Variants in CSMD1 observed in about 807,000 individuals in gnomAD.
CSMD1 encodes CUB and sushi domain-containing protein 1.
In CSMD1, 213 loss-of-function variants were observed where a neutral mutation model predicts 417.5. The ratio of observed to expected loss-of-function variants is 0.51; its 90% CI spans 0.46 to 0.57. The LOEUF (loss-of-function observed/expected upper bound fraction) is 0.57, where lower values mean the gene tolerates loss of function less well. Among genes scored for constraint, CSMD1 ranks in the 20% least tolerant of loss-of-function variants. The pLI, the probability that CSMD1 is intolerant of heterozygous loss-of-function variation, is 0.00. For missense variants in CSMD1, 6,923 were observed against 4,529.7 expected (o/e 1.53, Z -15.17); for synonymous variants, 2,862 against 1,736.8 (o/e 1.65, Z -16.11).
chr8:3,439,588 C>A (rs1008105866), intron 12 of CSMD1, among the ~76,000 whole-genome samples: 1 of 150,832 alleles, frequency 6.6e-6, no homozygotes, highest in Admixed American at 6.6e-5. Flanking sequence ...ATGTTATCTT[C>A]CAGTCTACAG....
Position 2,950,281 on chromosome 8 carries a change from C to G in CSMD1, c.10264G>C (p.Asp3422His), listed in dbSNP as rs1019368743. Residue 3422 changes from aspartate to histidine, a missense_variant, in exon 67 of 70, where the codon GAT (aspartate) becomes CAT (histidine). By Grantham distance (81) the Asp-to-His change is moderately conservative. Coordinates refer to ENST00000635120, the MANE Select transcript of CSMD1 (RefSeq NM_033225.6). ...LKAFQIKGQADIFVSKFENDN... is the reference protein window; with the variant it reads ...LKAFQIKGQAHIFVSKFENDN... The stretch of plus-strand genomic sequence containing the variant: ...TTTTCGAACTTGCTTACAAAAATAT[C>G]TGCCTGGCCTTTAATTTGAAAAGCT... 6.2e-7 allele frequency: 1 copy of G among 1,613,358 alleles called. No individual in the cohort carries two copies. Among genetic ancestry groups the G allele is most frequent in the African/African-American group, 1.3e-5 (1 of 74,906 alleles).
chr8:4,318,395 G>A (rs138244106), intron 3 of CSMD1, among the ~76,000 whole-genome samples: 11 of 151,936 alleles, frequency 7.2e-5, no homozygotes, highest in East Asian at 1.9e-4. Flanking sequence ...CTCTATTTGC[G>A]CATTTTAGTT....
intron 1 of CSMD1, among the ~76,000 whole-genome samples, chr8:4,700,839 G>C (rs991555173): frequency 6.6e-6 from 1 of 152,116 alleles, no homozygotes; most frequent in African/African-American, 2.4e-5. Context: ...GTAACAGCAA[G>C]AATAGGAAGA....
intron 7 of CSMD1, among the ~76,000 whole-genome samples, chr8:3,630,614 C>T (rs1439483333): frequency 6.6e-6 from 1 of 152,118 alleles, no homozygotes; most frequent in Non-Finnish European, 1.5e-5. Context: ...AAGTGTTGGG[C>T]TGGCATGCTG....
At chr8:4,213,030 G>A (rs187771627) in intron 3 of CSMD1, among the ~76,000 whole-genome samples, 2 of 152,018 alleles carry the variant, frequency 1.3e-5, no homozygotes, top group African/African-American at 2.4e-5. Flanking sequence ...TTAAAACTGA[G>A]TTACTAATTT....
Position 4,145,072 on chromosome 8 carries a change from G to C in CSMD1, c.416-112973C>G, listed in dbSNP as rs561524488. ...TTTTTAAATGTTTCTAAAATACAAAGATTTAAGGATGTTAAAAATGTAACT... is the reference window on the plus strand; with the variant it reads ...TTTTTAAATGTTTCTAAAATACAAACATTTAAGGATGTTAAAAATGTAACT... On this transcript the variant is annotated intron_variant, in intron 3 of 69. Transcript: ENST00000635120. Among the ~76,000 whole-genome samples, 68 of 151,114 alleles carry C rather than the reference G, an allele frequency of 4.5e-4. 7 individuals are homozygous for C. The highest frequency in any genetic ancestry group is 1.6e-3 in the African/African-American group (65 of 40,516).
chr8:4,784,374 T>G (rs1797299440), intron 1 of CSMD1, among the ~76,000 whole-genome samples: 1 of 152,216 alleles, frequency 6.6e-6, no homozygotes, highest in African/African-American at 2.4e-5. Context: ...TAATGAACTG[T>G]GCTACCTTGT....
intron 3 of CSMD1, among the ~76,000 whole-genome samples, chr8:4,162,563 T>A (rs185147770): frequency 6.6e-6 from 1 of 152,190 alleles, no homozygotes; most frequent in Non-Finnish European, 1.5e-5. Flanking sequence ...CCTAAGTTAC[T>A]TTGATTTTTT....
At chr8:3,972,091 G>C (rs184689858) in intron 5 of CSMD1, among the ~76,000 whole-genome samples, 1 of 152,148 alleles carries the variant, frequency 6.6e-6, no homozygotes, top group East Asian at 1.9e-4. Context: ...GGCTGATCCT[G>C]ACTTCCTGGG....
intron 5 of CSMD1, among the ~76,000 whole-genome samples, chr8:3,793,528 A>T (rs1413712511): frequency 2.1e-5 from 3 of 141,618 alleles, no homozygotes; most frequent in Non-Finnish European, 4.6e-5. Context: ...TCTGGATTCG[A>T]TCTCTGGGCT....
chr8:3,595,417 A>G (rs2117047555), intron 8 of CSMD1, among the ~76,000 whole-genome samples: 2 of 152,278 alleles, frequency 1.3e-5, no homozygotes, highest in South Asian at 4.2e-4. Context: ...CATAGCGGCA[A>G]TTTTTAGACT....
chr8:3,792,364 G>A (rs576949894), intron 5 of CSMD1, among the ~76,000 whole-genome samples: 2 of 152,142 alleles, frequency 1.3e-5, no homozygotes, highest in Non-Finnish European at 2.9e-5. Context: ...TGTACATTAT[G>A]ATCATTAATG....
At chr8:3,141,428 C>T (rs1284694119) in intron 41 of CSMD1, among the ~76,000 whole-genome samples, 1 of 152,074 alleles carries the variant, frequency 6.6e-6, no homozygotes, top group Non-Finnish European at 1.5e-5. Context: ...TGATCATGGC[C>T]CTTTCCCGAA....
intron 3 of CSMD1, among the ~76,000 whole-genome samples, chr8:4,310,371 A>G (rs764313862): frequency 1.3e-5 from 2 of 152,178 alleles, no homozygotes; most frequent in Non-Finnish European, 2.9e-5. Context: ...GTTCACAGAC[A>G]GTGTTTCTCA....
At chr8:2,962,297 G>C (rs1443699604) in intron 61 of CSMD1, among the ~76,000 whole-genome samples, 169 bp downstream of exon 61, 1 of 152,218 alleles carries the variant, frequency 6.6e-6, no homozygotes, top group East Asian at 1.9e-4. Flanking sequence ...TGGCACATCA[G>C]TTTAGCTGAT....
chr8:3,938,665 C>A (rs1048442280), intron 5 of CSMD1, among the ~76,000 whole-genome samples: 1 of 152,152 alleles, frequency 6.6e-6, no homozygotes. Flanking sequence ...AAGTCTGCTT[C>A]TGTTAATTAC....
At chr8:4,759,068 A>G (rs1811857720) in intron 1 of CSMD1, among the ~76,000 whole-genome samples, 1 of 152,188 alleles carries the variant, frequency 6.6e-6, no homozygotes, top group Non-Finnish European at 1.5e-5. Context: ...TTATTAAGAT[A>G]TGCTCTGGGA....
chr8:4,330,908 C>T (rs1171932332), intron 3 of CSMD1, among the ~76,000 whole-genome samples: 1 of 152,068 alleles, frequency 6.6e-6, no homozygotes, highest in Non-Finnish European at 1.5e-5. Context: ...TATGTATGCC[C>T]AGCACCCTAC....
At chr8:3,990,969 G>T (rs1814697741) in intron 5 of CSMD1, among the ~76,000 whole-genome samples, 1 of 152,160 alleles carries the variant, frequency 6.6e-6, no homozygotes, top group South Asian at 2.1e-4. Flanking sequence ...CAGAAGGACA[G>T]GAGAGAAAAT....
Sources: gnomAD v4.1 joint callset for allele counts (sites outside exome capture counted in the v4.1 genomes callset) on GRCh38, gnomAD v4.1.1 for gene constraint, MANE v1.5 for transcripts, NCBI Gene and HGNC (gene_info 2026-07-23, HGNC 2026-07-21) for gene names.